The following IGF2BP2 variants were observed in gnomAD, a reference collection of about 807,000 sequenced individuals.
IGF2BP2 encodes insulin like growth factor 2 mRNA binding protein 2.
In IGF2BP2, 17 loss-of-function variants were observed where a neutral mutation model predicts 75.8. The observed-to-expected ratio is 0.22, with a 90% confidence interval of 0.15 to 0.34. The LOEUF (loss-of-function observed/expected upper bound fraction) is 0.34. IGF2BP2 is among the 10% of genes least tolerant of loss of function. IGF2BP2 has a pLI of 1.00. For missense variants in IGF2BP2, 516 were observed against 772.4 expected (o/e 0.67, Z 3.93); for synonymous variants, 288 against 295.6 (o/e 0.97, Z 0.26).
At chr3:185,815,636 C>T (rs1051429797) in intron 2 of IGF2BP2, among the ~76,000 whole-genome samples, 15 of 152,138 alleles carry the variant, frequency 9.9e-5, no homozygotes, top group African/African-American at 3.4e-4. Context: ...TCCCCCATCT[C>T]CTGAGTCAGA....
chr3:185,648,359 A>G lies in IGF2BP2; in HGVS notation c.1593+1044T>C, dbSNP rs559079156. Reference sequence around the variant, plus strand: ...GCGCCTGCAGTCCCAGCTACTCAGGAGGCCGAGGAAGGAGAATCACCTGAA... The same window carrying G: ...GCGCCTGCAGTCCCAGCTACTCAGGGGGCCGAGGAAGGAGAATCACCTGAA... On this transcript the variant is annotated intron_variant, in intron 14 of 15. Coordinates refer to ENST00000382199, the MANE Select transcript of IGF2BP2 (RefSeq NM_006548.6). Among the ~76,000 whole-genome samples, 287 of 151,436 alleles carry G rather than the reference A, an allele frequency of 1.9e-3. 1 individual carries two copies. The highest frequency in any genetic ancestry group is 3.4e-3 in the Non-Finnish European group (233 of 67,896).
chr3:185,721,518 G>GT lies in IGF2BP2; in HGVS notation c.240-23172dup, dbSNP rs532274048. Among the ~76,000 whole-genome samples the GT allele has an allele frequency of 1.7e-3, 261 of 151,812 alleles. 3 individuals carry two copies. The highest frequency in any genetic ancestry group is 2.7e-3 in the East Asian group (14 of 5,168). On this transcript the variant is annotated intron_variant, in intron 2 of 15. Coordinates refer to ENST00000382199, the MANE Select transcript of IGF2BP2 (RefSeq NM_006548.6). ...ACCAGGCCCACTCTTCTTTCAAGCA[G>GT]TTTTTTTTCTTTTCTCTTTTTAATG...
intron 7 of IGF2BP2, among the ~76,000 whole-genome samples, chr3:185,680,073 G>GAA (rs202182278): frequency 6.7e-6 from 1 of 149,128 alleles, no homozygotes; most frequent in South Asian, 2.1e-4. Flanking sequence ...GCTAGATTAA[G>GAA]AAAAAAAAAG....
intron 2 of IGF2BP2, among the ~76,000 whole-genome samples, chr3:185,737,800 G>C (rs1298301464): frequency 6.6e-6 from 1 of 152,210 alleles, no homozygotes; most frequent in Non-Finnish European, 1.5e-5. Flanking sequence ...GTCATCCCCA[G>C]TTCTTAGACA....
chr3:185,822,884 A>C (rs1348337247), intron 2 of IGF2BP2, among the ~76,000 whole-genome samples: 1 of 152,124 alleles, frequency 6.6e-6, no homozygotes, highest in East Asian at 1.9e-4. Flanking sequence ...TTGATAAACA[A>C]GTTACAGGGT....
chr3:185,649,445 G>A lies in IGF2BP2; in HGVS notation c.1551C>T (p.Pro517=), dbSNP rs764409132. Residue 517 remains proline, a synonymous_variant, in exon 14 of 16, where the codon CCC becomes CCT. Transcript: ENST00000382199. ...EVKLEAHIRV[P]SSTAGRVIGK... ...CAATCACCCGGCCAGCTGTGGAAGA[G>A]GGCACTCTGATATGCGCTTCCAGCT... 1.9e-6 allele frequency: 3 copies of A among 1,614,034 alleles called. No individual in the cohort carries two copies. Among genetic ancestry groups the A allele is most frequent in the Non-Finnish European group, 1.7e-6 (2 of 1,179,988 alleles).
intron 2 of IGF2BP2, among the ~76,000 whole-genome samples, chr3:185,747,212 C>G (rs1730358809): frequency 6.6e-6 from 1 of 152,162 alleles, no homozygotes; most frequent in Admixed American, 6.5e-5. Flanking sequence ...TACCGTTTTA[C>G]TGCTATGAAG....
chr3:185,738,440 G>C (rs937964629), intron 2 of IGF2BP2, among the ~76,000 whole-genome samples: 6 of 152,194 alleles, frequency 3.9e-5, no homozygotes, highest in African/African-American at 1.4e-4. Context: ...ACGGAGGCAG[G>C]AACAGCCTAG....
At chr3:185,653,926 C>T (rs547454896) in intron 12 of IGF2BP2, among the ~76,000 whole-genome samples, 4 of 152,264 alleles carry the variant, frequency 2.6e-5, no homozygotes, top group African/African-American at 9.6e-5. Flanking sequence ...ACCTCTGGAC[C>T]ACTGTGTCAC....
chr3:185,800,741 A>AGAAAGAAAGAAC (rs1553893969), intron 2 of IGF2BP2, among the ~76,000 whole-genome samples: 14 of 151,706 alleles, frequency 9.2e-5, no homozygotes, highest in African/African-American at 3.4e-4. Context: ...AAAGAAAGAA[A>AGAAAGAAAGAAC]GTACTTGCTG....
intron 2 of IGF2BP2, chr3:185,820,907 T>G: frequency 1.7e-6 from 2 of 1,191,556 alleles, no homozygotes; most frequent in Non-Finnish European, 2.3e-6. Context: ...GACTTAACAC[T>G]GCCAAATTTA....
At chr3:185,689,328 A>G (rs750296332) in intron 6 of IGF2BP2, 27 bp downstream of exon 6, 1 of 1,604,840 alleles carries the variant, frequency 6.2e-7, no homozygotes, top group Non-Finnish European at 8.5e-7. Flanking sequence ...CTCAGAAGGA[A>G]GCAAAGGAAG....
intron 2 of IGF2BP2, among the ~76,000 whole-genome samples, chr3:185,707,094 A>C (rs1021282563): frequency 3.3e-5 from 5 of 151,754 alleles, no homozygotes; most frequent in African/African-American, 9.7e-5. Flanking sequence ...ATGTGGTGGC[A>C]CACGCCTGTA....
At chr3:185,675,205 A>C (rs1365965689) in intron 9 of IGF2BP2, 91 bp downstream of exon 9, 1 of 1,319,692 alleles carries the variant, frequency 7.6e-7, no homozygotes, top group East Asian at 2.4e-5. Context: ...AAAACTCTGC[A>C]TACCTATCCT....
chr3:185,785,376 A>G (rs1029701498), intron 2 of IGF2BP2, among the ~76,000 whole-genome samples: 5 of 152,026 alleles, frequency 3.3e-5, no homozygotes, highest in African/African-American at 1.2e-4. Context: ...GTTATGCCCC[A>G]GCATTTAGAC....
intron 5 of IGF2BP2, among the ~76,000 whole-genome samples, chr3:185,691,288 G>T (rs895353992): frequency 1.9e-4 from 28 of 150,892 alleles, no homozygotes; most frequent in Non-Finnish European, 3.2e-4. Context: ...AGTAGAGATG[G>T]GGTTTCTCCA....
intron 2 of IGF2BP2, among the ~76,000 whole-genome samples, chr3:185,813,745 C>T (rs1020191768): frequency 1.3e-5 from 2 of 152,204 alleles, no homozygotes; most frequent in African/African-American, 2.4e-5. Flanking sequence ...AGAACCCATA[C>T]ATTCCAACAC....
At chr3:185,672,760 C>A in intron 9 of IGF2BP2, 91 bp from the exon 10 acceptor site, 5 of 1,422,000 alleles carry the variant, frequency 3.5e-6, no homozygotes, top group Non-Finnish European at 4.9e-6. Context: ...CTTAATGGCA[C>A]CAGCGTCTCC....
chr3:185,654,416 T>A (rs1715097965), intron 12 of IGF2BP2, among the ~76,000 whole-genome samples: 2 of 152,184 alleles, frequency 1.3e-5, no homozygotes, highest in Admixed American at 1.3e-4. Context: ...AGAGAGCAGA[T>A]CATGGCTGTG....
Sources: allele counts gnomAD v4.1 joint callset (sites outside exome capture counted in the v4.1 genomes callset), GRCh38; gene constraint gnomAD v4.1.1; transcripts MANE v1.5; gene names NCBI Gene and HGNC (gene_info 2026-07-23, HGNC 2026-07-21).